CAMK4: variants seen among roughly 807,000 people sequenced by gnomAD.
CAMK4 encodes the protein calcium/calmodulin dependent protein kinase IV, also known as calcium/calmodulin-dependent protein kinase type IV.
Under a neutral mutation model 44.9 loss-of-function variants are expected in CAMK4, and 22 were observed. The observed-to-expected ratio is 0.49, with a 90% CI of 0.35 to 0.70. CAMK4 has a LOEUF of 0.70. Among genes scored for constraint, CAMK4 ranks in the 30% least tolerant of loss-of-function variants. The pLI, the probability that CAMK4 is intolerant of heterozygous loss-of-function variation, is 0.01. For missense variants in CAMK4, 498 were observed against 586.8 expected (o/e 0.85, Z 1.56); for synonymous variants, 218 against 215.4 (o/e 1.01, Z -0.11).
chr5:111,462,447 G>GTGTGTGA (rs1754676891), intron 7 of CAMK4, among the ~76,000 whole-genome samples: 1 of 152,148 alleles, frequency 6.6e-6, no homozygotes, highest in East Asian at 1.9e-4. Flanking sequence ...TCCAAGTATA[G>GTGTGTGA]TTGGCCCATC....
chr5:111,349,036 G>C (rs1387926263), intron 2 of CAMK4, among the ~76,000 whole-genome samples: 1 of 152,004 alleles, frequency 6.6e-6, no homozygotes, highest in Non-Finnish European at 1.5e-5. Context: ...TGAGGATAAA[G>C]CTTTCATGGT....
chr5:111,369,215 G>C (rs365703), intron 2 of CAMK4, among the ~76,000 whole-genome samples: 50,710 of 151,554 alleles, frequency 0.33, 8,887 homozygotes, highest in Admixed American at 0.39. Flanking sequence ...ACAGGCATGT[G>C]TTGCCATGCC....
At chr5:111,475,624 A>G (rs1272613156) in intron 8 of CAMK4, among the ~76,000 whole-genome samples, 2 of 152,230 alleles carry the variant, frequency 1.3e-5, no homozygotes, top group African/African-American at 4.8e-5. Context: ...TTTAGTTGAA[A>G]GTAAGAGTGG....
intron 3 of CAMK4, among the ~76,000 whole-genome samples, chr5:111,376,419 A>G (rs1751214795): frequency 6.6e-6 from 1 of 152,028 alleles, no homozygotes; most frequent in Non-Finnish European, 1.5e-5. Context: ...GCCGACTTTA[A>G]GCTGGTCCTA....
intron 1 of CAMK4, among the ~76,000 whole-genome samples, chr5:111,273,677 T>TTTTA (rs1418947550): frequency 3.9e-4 from 16 of 41,128 alleles, no homozygotes; most frequent in South Asian, 2.0e-3. Context: ...AAAAATGCAT[T>TTTTA]TATATATATA....
At chr5:111,437,143 T>C (rs1258720033) in intron 5 of CAMK4, among the ~76,000 whole-genome samples, 2 of 152,326 alleles carry the variant, frequency 1.3e-5, no homozygotes, top group Non-Finnish European at 1.5e-5. Flanking sequence ...CTACCAAGAA[T>C]AGTATATGTT....
At chr5:111,291,713 T>C (rs1304146778) in intron 1 of CAMK4, among the ~76,000 whole-genome samples, 1 of 152,176 alleles carries the variant, frequency 6.6e-6, no homozygotes, top group East Asian at 1.9e-4. Flanking sequence ...GGTCTTGCTA[T>C]GTTGCACAGC....
intron 7 of CAMK4, among the ~76,000 whole-genome samples, chr5:111,462,090 C>T (rs981130448): frequency 1.3e-5 from 2 of 152,310 alleles, no homozygotes; most frequent in African/African-American, 4.8e-5. Context: ...TGGCTTCTTT[C>T]AGTTCCTCCA....
At chr5:111,412,518 A>G (rs1242526535) in intron 5 of CAMK4, among the ~76,000 whole-genome samples, 1 of 152,258 alleles carries the variant, frequency 6.6e-6, no homozygotes, top group Non-Finnish European at 1.5e-5. Flanking sequence ...TCCTCAAACC[A>G]GTATTTAACA....
At chr5:111,401,251 G>GC (rs1752214445) in intron 5 of CAMK4, among the ~76,000 whole-genome samples, 1 of 152,094 alleles carries the variant, frequency 6.6e-6, no homozygotes, top group Non-Finnish European at 1.5e-5. Flanking sequence ...CAGTTCTCCT[G>GC]CCTCAGCCTC....
rs1053135508 is a variant in CAMK4, at chr5:111,432,682, A to G, written c.460-14004A>G. Among the ~76,000 whole-genome samples, 3 of 146,908 alleles carry G rather than the reference A, an allele frequency of 2.0e-5. No homozygotes were observed. In the South Asian group the frequency reaches 6.4e-4, roughly 31 times the overall value. On this transcript the variant is annotated intron_variant, in intron 5 of 10. Transcript: ENST00000282356. The stretch of plus-strand genomic sequence containing the variant: ...TGTGTGTATATATATATATATATAT[A>G]CATTTATGTATTTAAGAAACATTTA...
chr5:111,299,644 A>G (rs1429245237), intron 1 of CAMK4, among the ~76,000 whole-genome samples: 5 of 152,232 alleles, frequency 3.3e-5, no homozygotes, highest in Admixed American at 1.3e-4. Context: ...TTTAGAAATT[A>G]ATTTCCCTTG....
At chr5:111,313,774 A>G (rs1580573409) in intron 1 of CAMK4, among the ~76,000 whole-genome samples, 1 of 152,296 alleles carries the variant, frequency 6.6e-6, no homozygotes, top group Admixed American at 6.5e-5. Context: ...TTCATCTGGA[A>G]GGATTTCAAC....
intron 7 of CAMK4, among the ~76,000 whole-genome samples, chr5:111,454,007 C>G (rs1026722777): frequency 6.7e-6 from 1 of 148,966 alleles, no homozygotes; most frequent in African/African-American, 2.6e-5. Context: ...TGGACGCTTT[C>G]TTATCTTTCA....
intron 7 of CAMK4, among the ~76,000 whole-genome samples, chr5:111,452,716 T>C (rs1237653875): frequency 6.6e-6 from 1 of 152,220 alleles, no homozygotes; most frequent in Admixed American, 6.5e-5. Context: ...TGGAGGCTTA[T>C]TTTCTATTAT....
At chr5:111,380,280 G>C (rs393664) in intron 4 of CAMK4, among the ~76,000 whole-genome samples, 1 of 151,650 alleles carries the variant, frequency 6.6e-6, no homozygotes, top group African/African-American at 2.4e-5. Flanking sequence ...TTTGAATTTT[G>C]TAAACATTGT....
At chr5:111,343,932 T>G in intron 1 of CAMK4, 92 bp from the exon 2 acceptor site, 1 of 714,104 alleles carries the variant, frequency 1.4e-6, no homozygotes, top group South Asian at 1.7e-5. Flanking sequence ...GTCAGTTATG[T>G]GGGTTATTGC....
chr5:111,247,054 G>C (rs1364154759), intron 1 of CAMK4, among the ~76,000 whole-genome samples: 1 of 151,842 alleles, frequency 6.6e-6, no homozygotes, highest in Non-Finnish European at 1.5e-5. Flanking sequence ...TAGTTCCTCG[G>C]GATGTTTTAT....
At chr5:111,226,913 A>G (rs763854821) in intron 1 of CAMK4, among the ~76,000 whole-genome samples, 1 of 152,194 alleles carries the variant, frequency 6.6e-6, no homozygotes, top group Non-Finnish European at 1.5e-5. Context: ...CCTATTGGAG[A>G]CCCTCTGTCT....
Sources: gnomAD v4.1 joint callset for allele counts (sites outside exome capture counted in the v4.1 genomes callset) on GRCh38, gnomAD v4.1.1 for gene constraint, MANE v1.5 for transcripts, NCBI Gene and HGNC (gene_info 2026-07-23, HGNC 2026-07-21) for gene names.